NOTCH2: variants seen among roughly 807,000 people sequenced by gnomAD.
NOTCH2 encodes notch receptor 2.
A neutral mutation model predicts 235.8 loss-of-function variants in NOTCH2; 29 were observed. The ratio of observed to expected loss-of-function variants is 0.12; its 90% CI spans 0.09 to 0.17. The LOEUF is 0.17. NOTCH2 is among the 10% of genes least tolerant of loss of function. NOTCH2 has a pLI of 1.00. For synonymous variants in NOTCH2, 1,086 were observed against 1,141.5 expected (o/e 0.95, Z 0.98); for missense variants, 2,285 against 3,150.2 (o/e 0.73, Z 6.57).
intron 21 of NOTCH2, among the ~76,000 whole-genome samples, chr1:119,937,080 TA>T (rs1354232072): frequency 7.9e-5 from 12 of 152,162 alleles, no homozygotes; most frequent in African/African-American, 2.2e-4. Flanking sequence ...TCCAGACGCC[TA>T]TAAAAATATC....
rs782527466 is a variant in NOTCH2, at chr1:120,048,445, CTT to C, written c.74-18460_74-18459del. On this transcript the variant is annotated intron_variant, in intron 1 of 33. Transcript: ENST00000256646. The stretch of plus-strand genomic sequence containing the variant: ...TGGCAATTAGACAGGCCCAATACCA[CTT>C]TTTTTTTTTTTTTTTTTTGGAGACA... Among the ~76,000 whole-genome samples, 890 of 100,408 alleles carry C rather than the reference CTT, an allele frequency of 8.9e-3. 62 individuals carry two copies. The highest frequency in any genetic ancestry group is 0.055 in the African/African-American group (815 of 14,774). 65.9% of individuals were successfully genotyped at this position (100,408 alleles called of 152,430 possible). A position where few individuals can be genotyped will look rare whatever the true frequency, so the allele number is the denominator to read the frequency against.
intron 5 of NOTCH2, among the ~76,000 whole-genome samples, chr1:119,972,374 A>C (rs1311597849): frequency 1.3e-5 from 2 of 152,342 alleles, no homozygotes; most frequent in Non-Finnish European, 2.9e-5. Context: ...AGCTACTGCA[A>C]CATGAAAATT....
At chr1:119,963,938 G>C in intron 10 of NOTCH2, 131 bp from the exon 11 acceptor site, 2 of 790,554 alleles carry the variant, frequency 2.5e-6, no homozygotes, top group Non-Finnish European at 4.4e-6. Flanking sequence ...GTCTTGAGCA[G>C]TAGAAAACGA....
intron 1 of NOTCH2, 105 bp from the exon 2 acceptor site, chr1:120,030,092 CT>C (rs1654034742): frequency 1.7e-6 from 1 of 598,574 alleles, no homozygotes; most frequent in Non-Finnish European, 3.1e-6. Context: ...CCCACCTAAT[CT>C]GGGTTTCTTT....
At chr1:119,927,072 C>A (rs1422635718) in intron 23 of NOTCH2, among the ~76,000 whole-genome samples, 3 of 152,174 alleles carry the variant, frequency 2.0e-5, no homozygotes. Flanking sequence ...ATCTGTGATA[C>A]CTCATTTCAA....
chr1:119,948,607 C>A, intron 16 of NOTCH2, 41 bp from the exon 17 acceptor site: 1 of 1,612,596 alleles, frequency 6.2e-7, no homozygotes, highest in Middle Eastern at 1.7e-4. Flanking sequence ...TCCTTGGAAG[C>A]TGATTCCCAC....
rs782138014 is a variant in NOTCH2, at chr1:120,069,154, G to A, written c.73+180C>T. ...GCGGCGGGGAACCCCGGCGGTTGGC[G>A]GGGCACCACGGGAGGGGCCCCCGGC... On this transcript the variant is annotated intron_variant, in intron 1 of 33. Transcript: ENST00000256646. 1.3e-5 allele frequency: 20 copies of A among 1,527,286 alleles called. 1 individual carries two copies. In the South Asian group the frequency reaches 2.3e-4, roughly 17 times the overall value. 94.6% of individuals were successfully genotyped at this position (1,527,286 alleles called of 1,614,324 possible). A position where few individuals can be genotyped will look rare whatever the true frequency, so the allele number is the denominator to read the frequency against.
intron 5 of NOTCH2, among the ~76,000 whole-genome samples, chr1:119,982,320 T>C (rs1651843463): frequency 6.6e-6 from 1 of 152,228 alleles, no homozygotes; most frequent in Non-Finnish European, 1.5e-5. Context: ...GCTGAAATTA[T>C]ATTTCTGGAT....
At chr1:119,970,062 A>C (rs1651302435) in intron 5 of NOTCH2, among the ~76,000 whole-genome samples, 1 of 152,202 alleles carries the variant, frequency 6.6e-6, no homozygotes, top group African/African-American at 2.4e-5. Flanking sequence ...ATGAACATAT[A>C]AGTAAGAAGA....
At chr1:119,953,212 G>A (rs1650550752) in intron 14 of NOTCH2, among the ~76,000 whole-genome samples, 1 of 152,112 alleles carries the variant, frequency 6.6e-6, no homozygotes, top group South Asian at 2.1e-4. Context: ...TAGGGAGGCT[G>A]AGGCAGGAGA....
At chr1:119,965,375 C>T in intron 10 of NOTCH2, 78 bp downstream of exon 10, 1 of 1,112,046 alleles carries the variant, frequency 9.0e-7, no homozygotes, top group Non-Finnish European at 1.4e-6. Flanking sequence ...GGCACAGCAG[C>T]TAGCAGAGGA....
intron 11 of NOTCH2, among the ~76,000 whole-genome samples, chr1:119,963,354 C>T (rs1651016524): frequency 6.6e-6 from 1 of 152,170 alleles, no homozygotes; most frequent in Non-Finnish European, 1.5e-5. Context: ...CACAAACACA[C>T]ACACAAAATC....
chr1:120,008,858 T>C (rs1553206547), intron 2 of NOTCH2, among the ~76,000 whole-genome samples: 4 of 152,210 alleles, frequency 2.6e-5, no homozygotes, highest in African/African-American at 9.6e-5. Flanking sequence ...TACATTCTAA[T>C]AGCTGAAGAC....
At chr1:119,936,855 A>G (rs1557811808) in intron 21 of NOTCH2, among the ~76,000 whole-genome samples, 1 of 147,722 alleles carries the variant, frequency 6.8e-6, no homozygotes, top group East Asian at 2.0e-4. Context: ...GATGAGCAAC[A>G]TTTTTTTTTT....
At chr1:119,916,745 A>C in intron 33 of NOTCH2, 51 bp from the exon 34 acceptor site, 1 of 1,582,514 alleles carries the variant, frequency 6.3e-7, no homozygotes, top group Non-Finnish European at 8.7e-7. Context: ...TCTTGAGAAT[A>C]TAGCAGTTTT....
chr1:119,932,254 G>A (rs1407579283), intron 22 of NOTCH2, among the ~76,000 whole-genome samples: 1 of 152,068 alleles, frequency 6.6e-6, no homozygotes, highest in Non-Finnish European at 1.5e-5. Context: ...TTAAAATATG[G>A]TATGCCTGTA....
chr1:119,955,375 T>G (rs1339561873), intron 12 of NOTCH2, 143 bp from the exon 13 acceptor site: 8 of 769,844 alleles, frequency 1.0e-5, no homozygotes, highest in East Asian at 5.3e-5. Context: ...TGTAAGGAAT[T>G]AGACACCCAA....
At chr1:119,980,870 C>T (rs1386962149) in intron 5 of NOTCH2, among the ~76,000 whole-genome samples, 2 of 152,184 alleles carry the variant, frequency 1.3e-5, no homozygotes, top group Non-Finnish European at 2.9e-5. Flanking sequence ...TACCCTTTAA[C>T]TTGAGGATGC....
chr1:119,929,299 A>G, intron 22 of NOTCH2, 87 bp from the exon 23 acceptor site: 2 of 1,082,194 alleles, frequency 1.8e-6, no homozygotes, highest in Non-Finnish European at 2.9e-6. Context: ...TGGCATTTTC[A>G]CAATGAATCA....
Sources: gnomAD v4.1 joint callset for allele counts (sites outside exome capture counted in the v4.1 genomes callset) on GRCh38, gnomAD v4.1.1 for gene constraint, MANE v1.5 for transcripts, NCBI Gene and HGNC (gene_info 2026-07-23, HGNC 2026-07-21) for gene names.